Variants in TNIP1 observed in about 807,000 individuals in gnomAD.
TNIP1 encodes TNFAIP3-interacting protein 1.
Under a neutral mutation model 86.6 loss-of-function variants are expected in TNIP1, and 22 were observed. That is an observed-to-expected ratio of 0.25 (90% CI 0.18 to 0.36). The LOEUF (loss-of-function observed/expected upper bound fraction) is 0.36. TNIP1 is among the 10% of genes least tolerant of loss of function. The probability of loss-of-function intolerance (pLI) is 1.00; values close to 1 mark genes in which losing one functional copy is unlikely to be tolerated. For synonymous variants in TNIP1, 294 were observed against 313.0 expected (o/e 0.94, Z 0.64); for missense variants, 709 against 820.6 (o/e 0.86, Z 1.66).
In TNIP1 at chr5:151,062,094, C is replaced by T. The variant is rs959863946; in HGVS notation, c.357+33G>A. On this transcript the variant is annotated intron_variant, in intron 4 of 17. Coordinates refer to ENST00000521591, the MANE Select transcript of TNIP1 (RefSeq NM_006058.5). ...CAGTAGGACTTGAGGTCCATCCAGG[C>T]AACCTCCACCCATGACTCCAAATAA... 6.2e-6 allele frequency: 10 copies of T among 1,603,854 alleles called. No individual in the cohort carries two copies. In the Middle Eastern group the frequency reaches 6.6e-4, roughly 106 times the overall value.
At chr5:151,049,663 T>G (rs1016550028) in intron 8 of TNIP1, among the ~76,000 whole-genome samples, 161 bp downstream of exon 8, 1 of 152,064 alleles carries the variant, frequency 6.6e-6, no homozygotes, top group Non-Finnish European at 1.5e-5. Context: ...CCTCTAAGCA[T>G]GGAGGTCAGG....
At chr5:151,051,956 C>A (rs181753620) in intron 7 of TNIP1, among the ~76,000 whole-genome samples, 358 of 152,240 alleles carry the variant, frequency 2.4e-3, no homozygotes, top group Non-Finnish European at 3.9e-3. Context: ...GCTCTCAAGG[C>A]ACTCTATACA....
chr5:151,051,316 G>A (rs1759900673), intron 7 of TNIP1, among the ~76,000 whole-genome samples: 2 of 152,114 alleles, frequency 1.3e-5, no homozygotes, highest in South Asian at 2.1e-4. Context: ...GGGAAAAACA[G>A]AGTGGCAAGT....
chr5:151,059,816 A>T (rs1761199314), intron 5 of TNIP1, among the ~76,000 whole-genome samples: 2 of 108,126 alleles, frequency 1.8e-5, no homozygotes, highest in African/African-American at 9.3e-5. Flanking sequence ...AGAGAGAGAG[A>T]GAGAGAGAGA....
intron 1 of TNIP1, among the ~76,000 whole-genome samples, chr5:151,066,629 T>C (rs1381864472): frequency 6.6e-6 from 1 of 152,220 alleles, no homozygotes; most frequent in Non-Finnish European, 1.5e-5. Flanking sequence ...AGGCACTGCA[T>C]TAAATGTTTC....
chr5:151,042,738 G>A, intron 10 of TNIP1, 67 bp from the exon 11 acceptor site: 2 of 1,603,560 alleles, frequency 1.2e-6, no homozygotes, highest in Middle Eastern at 1.9e-4. Context: ...TGTGGGCAGG[G>A]CCTGGCTGCC....
chr5:151,067,902 G>A (rs926004922), intron 1 of TNIP1, among the ~76,000 whole-genome samples: 2 of 152,174 alleles, frequency 1.3e-5, no homozygotes, highest in Non-Finnish European at 2.9e-5. Flanking sequence ...TGCTCCCTCA[G>A]AGAGGCCCAG....
intron 1 of TNIP1, chr5:151,080,135 C>T (rs1487811307): frequency 6.6e-6 from 1 of 152,274 alleles, no homozygotes. Flanking sequence ...CACACGTGCA[C>T]ACAAATGTCC....
At chr5:151,033,333 A>AGG (rs1757170834) in intron 16 of TNIP1, 1 of 345,590 alleles carries the variant, frequency 2.9e-6, no homozygotes, top group African/African-American at 2.1e-5. Context: ...TGGGGCCTGG[A>AGG]GGGAGTCCTC....
chr5:151,051,406 G>C (rs1759913096), intron 7 of TNIP1, among the ~76,000 whole-genome samples: 1 of 152,162 alleles, frequency 6.6e-6, no homozygotes, highest in South Asian at 2.1e-4. Context: ...AAACTGTCCA[G>C]GACCACAGTG....
At chr5:151,040,433 G>A (rs1389930472) in intron 11 of TNIP1, among the ~76,000 whole-genome samples, 2 of 152,194 alleles carry the variant, frequency 1.3e-5, no homozygotes, top group African/African-American at 4.8e-5. Context: ...ACCTCCCTGG[G>A]AATTGTTCTG....
chr5:151,038,119 G>C (rs1366299572), intron 12 of TNIP1, among the ~76,000 whole-genome samples: 1 of 152,184 alleles, frequency 6.6e-6, no homozygotes, highest in Non-Finnish European at 1.5e-5. Context: ...GCTCAGGACA[G>C]ATCGCGTTTC....
intron 5 of TNIP1, among the ~76,000 whole-genome samples, chr5:151,059,280 C>T (rs1170902463): frequency 6.6e-6 from 1 of 152,220 alleles, no homozygotes; most frequent in Non-Finnish European, 1.5e-5. Context: ...TCTCAGAGCC[C>T]TCAGGGACAG....
chr5:151,060,272 CAA>C, intron 5 of TNIP1, 44 bp downstream of exon 5: 3 of 1,603,988 alleles, frequency 1.9e-6, no homozygotes, highest in Non-Finnish European at 2.6e-6. Flanking sequence ...TGACAGGACA[CAA>C]AGAGGGCAGC....
intron 7 of TNIP1, among the ~76,000 whole-genome samples, chr5:151,050,260 T>C (rs1759733861): frequency 6.6e-6 from 1 of 152,198 alleles, no homozygotes; most frequent in South Asian, 2.1e-4. Flanking sequence ...TGACACCCTT[T>C]CCAATTATCT....
intron 16 of TNIP1, chr5:151,032,602 G>A (rs750842621): frequency 1.5e-4 from 89 of 582,398 alleles, no homozygotes; most frequent in Non-Finnish European, 2.2e-4. Context: ...GCTTGGATTT[G>A]AATCCAGGTC....
At position 151,030,323 on chromosome 5, in the gene TNIP1, G is replaced by A; in HGVS notation, c.*390C>T. ...AAAAATTAAACACACACACAAATTG[G>A]TCATGGCAACTAGAGGGCCTGAAAC... On this transcript the variant is annotated 3_prime_UTR_variant, in exon 18 of 18. Transcript: ENST00000521591. 1 of 401,150 alleles carries A rather than the reference G, an allele frequency of 2.5e-6. No homozygotes were observed. Among genetic ancestry groups the A allele is most frequent in the Admixed American group, 3.4e-5 (1 of 29,810 alleles). The allele number at this position is 401,150 out of a possible 1,614,324, so 24.8% of individuals were successfully genotyped here.
chr5:151,038,009 G>C (rs949954340), intron 12 of TNIP1, among the ~76,000 whole-genome samples: 1 of 152,180 alleles, frequency 6.6e-6, no homozygotes, highest in South Asian at 2.1e-4. Flanking sequence ...TCATCCACAT[G>C]GTGTCTGTCC....
chr5:151,067,196 G>T (rs1422119704), intron 1 of TNIP1, among the ~76,000 whole-genome samples: 1 of 152,250 alleles, frequency 6.6e-6, no homozygotes, highest in Admixed American at 6.5e-5. Context: ...ACAAAGTGCA[G>T]ATGTTTCCAC....
Sources: allele counts gnomAD v4.1 joint callset (sites outside exome capture counted in the v4.1 genomes callset), GRCh38; gene constraint gnomAD v4.1.1; transcripts MANE v1.5; gene names NCBI Gene and HGNC (gene_info 2026-07-23, HGNC 2026-07-21).